LMBRD1: variants seen among roughly 807,000 people sequenced by gnomAD.
LMBRD1 encodes the protein lysosomal cobalamin transport escort protein LMBD1.
LMBRD1 carries 64 observed loss-of-function variants against 74.8 expected under a neutral mutation model. The ratio of observed to expected loss-of-function variants is 0.86; its 90% CI spans 0.70 to 1.05. The LOEUF is 1.05. LMBRD1 is among the 50% of genes least tolerant of loss of function. The pLI is 0.00. For synonymous variants in LMBRD1, 204 were observed against 216.3 expected (o/e 0.94, Z 0.50); for missense variants, 652 against 645.9 (o/e 1.01, Z -0.10).
chr6:69,689,624 T>C (rs1022429659), intron 14 of LMBRD1, among the ~76,000 whole-genome samples: 3 of 152,130 alleles, frequency 2.0e-5, no homozygotes, highest in African/African-American at 7.2e-5. Flanking sequence ...AGTGAGATTT[T>C]CCTAAAGCAA....
chr6:69,784,338 T>C (rs1273306161), intron 2 of LMBRD1, among the ~76,000 whole-genome samples: 7 of 152,166 alleles, frequency 4.6e-5, no homozygotes, highest in African/African-American at 1.7e-4. Context: ...GTAAATTCCA[T>C]TCCCCATTTT....
intron 7 of LMBRD1, among the ~76,000 whole-genome samples, chr6:69,735,543 A>C (rs1766958196): frequency 6.6e-6 from 1 of 152,176 alleles, no homozygotes; most frequent in African/African-American, 2.4e-5. Flanking sequence ...ATACTATGTC[A>C]GTTTAATTGA....
chr6:69,745,200 T>C (rs999373112), intron 5 of LMBRD1, among the ~76,000 whole-genome samples: 16 of 151,900 alleles, frequency 1.1e-4, no homozygotes, highest in Non-Finnish European at 1.8e-4. Flanking sequence ...TACACAAATA[T>C]ATACACATCT....
intron 7 of LMBRD1, among the ~76,000 whole-genome samples, chr6:69,735,280 T>A (rs1407137448): frequency 6.6e-6 from 1 of 152,074 alleles, no homozygotes; most frequent in Non-Finnish European, 1.5e-5. Flanking sequence ...TGGCACAATT[T>A]CAGACATACC....
intron 7 of LMBRD1, among the ~76,000 whole-genome samples, chr6:69,721,311 T>C (rs1582087024): frequency 6.6e-6 from 1 of 152,100 alleles, no homozygotes; most frequent in Non-Finnish European, 1.5e-5. Context: ...GCAGCTCACC[T>C]CAACAAAGGT....
At chr6:69,766,116 AAATT>A (rs1318647754) in intron 3 of LMBRD1, among the ~76,000 whole-genome samples, 2 of 151,550 alleles carry the variant, frequency 1.3e-5, no homozygotes, top group African/African-American at 4.8e-5. Context: ...TAAATAATAA[AAATT>A]AATATTTAAG....
chr6:69,722,414 G>GT (rs1162061473), intron 7 of LMBRD1, among the ~76,000 whole-genome samples: 1 of 151,570 alleles, frequency 6.6e-6, no homozygotes, highest in Non-Finnish European at 1.5e-5. Context: ...TACAATGGTG[G>GT]TGTGTAACTA....
intron 7 of LMBRD1, among the ~76,000 whole-genome samples, chr6:69,728,865 C>T (rs1262471073): frequency 1.3e-5 from 2 of 152,142 alleles, no homozygotes; most frequent in African/African-American, 4.8e-5. Flanking sequence ...GCCACTAGGG[C>T]CACTACAGAA....
intron 14 of LMBRD1, among the ~76,000 whole-genome samples, chr6:69,678,364 A>G (rs1765591055): frequency 6.6e-6 from 1 of 152,056 alleles, no homozygotes; most frequent in African/African-American, 2.4e-5. Flanking sequence ...TTGCTGTCTC[A>G]AGTGGCAGAG....
chr6:69,764,761 G>A (rs1259551926), intron 3 of LMBRD1, among the ~76,000 whole-genome samples: 1 of 151,736 alleles, frequency 6.6e-6, no homozygotes, highest in Non-Finnish European at 1.5e-5. Context: ...GCTTGTCTGT[G>A]GTTTATAATT....
intron 4 of LMBRD1, among the ~76,000 whole-genome samples, chr6:69,751,622 C>G (rs1303665636): frequency 2.0e-5 from 3 of 151,996 alleles, no homozygotes; most frequent in African/African-American, 7.2e-5. Context: ...GCCACAGCGC[C>G]TGGCCAAAAA....
At chr6:69,742,653 C>A (rs1391242406) in intron 5 of LMBRD1, among the ~76,000 whole-genome samples, 1 of 152,088 alleles carries the variant, frequency 6.6e-6, no homozygotes, top group Admixed American at 6.5e-5. Flanking sequence ...TCTAATACCA[C>A]GTCCTTCCCA....
intron 7 of LMBRD1, among the ~76,000 whole-genome samples, chr6:69,735,784 G>A (rs529810132): frequency 6.6e-6 from 1 of 152,170 alleles, no homozygotes; most frequent in South Asian, 2.1e-4. Context: ...ACTTCCAGGG[G>A]CTTCAAAACT....
chr6:69,693,843 C>A (rs1336597420), intron 14 of LMBRD1, among the ~76,000 whole-genome samples: 2 of 151,834 alleles, frequency 1.3e-5, no homozygotes, highest in Non-Finnish European at 2.9e-5. Context: ...CCCTGCCACC[C>A]CAAATTTAGT....
chr6:69,792,494 T>C (rs1365354084), intron 1 of LMBRD1, among the ~76,000 whole-genome samples: 1 of 152,260 alleles, frequency 6.6e-6, no homozygotes, highest in African/African-American at 2.4e-5. Context: ...CATTGCTTCA[T>C]ACTGCTGGCC....
intron 9 of LMBRD1, among the ~76,000 whole-genome samples, chr6:69,704,529 C>T (rs759340241): frequency 1.2e-4 from 17 of 136,386 alleles, no homozygotes; most frequent in South Asian, 2.5e-4. Context: ...TTTTATTATA[C>T]GCCCACTATT....
intron 5 of LMBRD1, among the ~76,000 whole-genome samples, chr6:69,744,946 C>T (rs113989723): frequency 0.11 from 16,871 of 151,746 alleles, 2,621 homozygotes; most frequent in African/African-American, 0.35. Flanking sequence ...GGGTTCAAGC[C>T]GTTCTCCTGC....
chr6:69,733,399 T>C (rs978994995), intron 7 of LMBRD1, among the ~76,000 whole-genome samples: 2 of 152,204 alleles, frequency 1.3e-5, no homozygotes, highest in African/African-American at 4.8e-5. Flanking sequence ...ATGATAATTA[T>C]ACTATTTAAC....
In LMBRD1 at chr6:69,725,215, C is replaced by A. The variant is rs1766702935; in HGVS notation, c.637-6134G>T. On this transcript the variant is annotated intron_variant, in intron 7 of 15. Transcript: ENST00000649934. ...AAAATACTGATGAATGAGGAAGACA[C>A]CAAAAAAATGAAGAAATATTCCATG... is the stretch of plus-strand genomic sequence containing the variant. Among the ~76,000 whole-genome samples the A allele has an allele frequency of 2.6e-5, 4 of 151,664 alleles. No individual in the cohort carries two copies. The South Asian group carries it at 8.4e-4, about 32-fold the overall frequency.
Sources: gnomAD v4.1 joint callset for allele counts (sites outside exome capture counted in the v4.1 genomes callset) on GRCh38, gnomAD v4.1.1 for gene constraint, MANE v1.5 for transcripts, NCBI Gene and HGNC (gene_info 2026-07-23, HGNC 2026-07-21) for gene names.